Variants in NALF1 observed in about 807,000 individuals in gnomAD.
The protein encoded by NALF1 is family with sequence similarity 155 member A.
Under a neutral mutation model 48.4 loss-of-function variants are expected in NALF1, and 3 were observed. The observed-to-expected ratio is 0.06, with a 90% CI of 0.03 to 0.16. The LOEUF is 0.16. NALF1 is among the 10% of genes least tolerant of loss of function. The probability of loss-of-function intolerance (pLI) is 1.00; values close to 1 mark genes in which losing one functional copy is unlikely to be tolerated. For synonymous variants in NALF1, 262 were observed against 245.7 expected, an observed-to-expected ratio of 1.07 and a Z score of -0.62; for missense variants, 526 against 571.5, an observed-to-expected ratio of 0.92 and a Z score of 0.81.
At chr13:107,637,333 T>C (rs1880006925) in intron 1 of NALF1, among the ~76,000 whole-genome samples, 2 of 152,066 alleles carry the variant, frequency 1.3e-5, no homozygotes, top group Non-Finnish European at 2.9e-5. Flanking sequence ...AATTATTCTA[T>C]TTGGGGAATT....
chr13:107,820,776 T>C (rs1398466976), intron 1 of NALF1, among the ~76,000 whole-genome samples: 2 of 152,240 alleles, frequency 1.3e-5, no homozygotes, highest in Non-Finnish European at 2.9e-5. Flanking sequence ...TTCTAGTCTG[T>C]GGCTTAATAA....
intron 1 of NALF1, among the ~76,000 whole-genome samples, chr13:107,828,901 G>A (rs574575646): frequency 1.3e-5 from 2 of 151,978 alleles, no homozygotes; most frequent in Non-Finnish European, 2.9e-5. Context: ...CACCATTTTG[G>A]TTATACATGA....
chr13:107,425,181 T>C (rs1029103811), intron 1 of NALF1, among the ~76,000 whole-genome samples: 1 of 152,156 alleles, frequency 6.6e-6, no homozygotes, highest in South Asian at 2.1e-4. Flanking sequence ...TCGCCAAAGG[T>C]GAAGTTTGGA....
intron 1 of NALF1, among the ~76,000 whole-genome samples, chr13:107,780,503 CTTT>C (rs201071204): frequency 6.9e-6 from 1 of 144,412 alleles, no homozygotes. Context: ...AGAGTTTTAA[CTTT>C]TTTTTTTTTT....
chr13:107,194,750 C>T (rs1342243238), intron 2 of NALF1, among the ~76,000 whole-genome samples: 2 of 152,106 alleles, frequency 1.3e-5, no homozygotes, highest in Non-Finnish European at 2.9e-5. Context: ...TTCTGCACAG[C>T]AAAAGAAACA....
intron 1 of NALF1, among the ~76,000 whole-genome samples, chr13:107,280,955 T>A (rs1881374963): frequency 6.6e-6 from 1 of 152,258 alleles, no homozygotes; most frequent in Non-Finnish European, 1.5e-5. Flanking sequence ...TGGAGCTTTA[T>A]CTTTGTTTAA....
At chr13:107,716,067 C>G (rs1269746094) in intron 1 of NALF1, among the ~76,000 whole-genome samples, 1 of 152,146 alleles carries the variant, frequency 6.6e-6, no homozygotes, top group Non-Finnish European at 1.5e-5. Flanking sequence ...GTGTCCATCT[C>G]AGGCAGTAAT....
intron 1 of NALF1, among the ~76,000 whole-genome samples, chr13:107,813,362 A>G (rs1879057356): frequency 6.6e-6 from 1 of 152,184 alleles, no homozygotes; most frequent in African/African-American, 2.4e-5. Context: ...TAAAGAAACA[A>G]CACATGGAAC....
chr13:107,413,927 T>C (rs1884038305), intron 1 of NALF1, among the ~76,000 whole-genome samples: 1 of 152,068 alleles, frequency 6.6e-6, no homozygotes, highest in African/African-American at 2.4e-5. Flanking sequence ...GCTGGGATCA[T>C]AGGCATGCAC....
At chr13:107,379,293 G>A (rs1437616553) in intron 1 of NALF1, among the ~76,000 whole-genome samples, 2 of 152,056 alleles carry the variant, frequency 1.3e-5, no homozygotes, top group African/African-American at 2.4e-5. Flanking sequence ...GGAAACAGCC[G>A]GAAACCAGCA....
At chr13:107,275,012 C>A (rs926749887) in intron 1 of NALF1, among the ~76,000 whole-genome samples, 1 of 152,102 alleles carries the variant, frequency 6.6e-6, no homozygotes, top group African/African-American at 2.4e-5. Context: ...TCCTGCGGAA[C>A]CTGGATAACT....
chr13:107,761,750 A>C (rs1877271623), intron 1 of NALF1, among the ~76,000 whole-genome samples: 1 of 152,236 alleles, frequency 6.6e-6, no homozygotes, highest in Non-Finnish European at 1.5e-5. Flanking sequence ...AATATTTCAT[A>C]ACAGGACTTC....
intron 1 of NALF1, among the ~76,000 whole-genome samples, chr13:107,601,903 C>T (rs1246079461): frequency 3.9e-5 from 6 of 151,964 alleles, no homozygotes; most frequent in African/African-American, 1.5e-4. Context: ...GGCTCCCTCC[C>T]TTCCTTCCTT....
At chr13:107,252,254 G>A (rs926039590) in intron 1 of NALF1, among the ~76,000 whole-genome samples, 2 of 152,150 alleles carry the variant, frequency 1.3e-5, no homozygotes, top group African/African-American at 4.8e-5. Flanking sequence ...ATTCCTATGA[G>A]CTGTTGGCAA....
intron 1 of NALF1, among the ~76,000 whole-genome samples, chr13:107,796,574 A>G (rs1160538960): frequency 6.6e-6 from 1 of 152,158 alleles, no homozygotes; most frequent in Non-Finnish European, 1.5e-5. Flanking sequence ...ACAGTTATTA[A>G]TAAGTCTGAA....
chr13:107,780,798 A>C (rs930272235), intron 1 of NALF1, among the ~76,000 whole-genome samples: 2 of 152,144 alleles, frequency 1.3e-5, no homozygotes, highest in Non-Finnish European at 2.9e-5. Context: ...ATTTCTGTAA[A>C]GTGCTAGGCA....
intron 1 of NALF1, among the ~76,000 whole-genome samples, chr13:107,343,341 C>A (rs895754293): frequency 6.6e-6 from 1 of 152,172 alleles, no homozygotes; most frequent in Non-Finnish European, 1.5e-5. Context: ...CAAATCTCAT[C>A]TTGAATTTTC....
chr13:107,482,185 C>T (rs149768135), intron 1 of NALF1, among the ~76,000 whole-genome samples: 267 of 152,124 alleles, frequency 1.8e-3, no homozygotes, highest in Middle Eastern at 6.8e-3. Context: ...TTATCTCTCC[C>T]GAGAAGAAGG....
At chr13:107,632,909 G>GAAAAA (rs57758796) in intron 1 of NALF1, among the ~76,000 whole-genome samples, 1 of 139,158 alleles carries the variant, frequency 7.2e-6, no homozygotes, top group Non-Finnish European at 1.5e-5. Flanking sequence ...CAAGCCTCAT[G>GAAAAA]AAAAAAAAAA....
Sources: allele counts gnomAD v4.1 joint callset (sites outside exome capture counted in the v4.1 genomes callset), GRCh38; gene constraint gnomAD v4.1.1; transcripts MANE v1.5; gene names NCBI Gene and HGNC (gene_info 2026-07-23, HGNC 2026-07-21).